The following NEK10 variants were observed in gnomAD, a reference collection of about 807,000 sequenced individuals.
The protein encoded by NEK10 is serine/threonine-protein kinase Nek10.
In NEK10, 122 loss-of-function variants were observed where a neutral mutation model predicts 159.8. That is an observed-to-expected ratio of 0.76 (90% CI 0.66 to 0.89). The LOEUF is 0.89. Among genes scored for constraint, NEK10 ranks in the 40% least tolerant of loss-of-function variants. The pLI is 0.00. For missense variants in NEK10, 1,342 were observed against 1,323.1 expected (o/e 1.01, Z -0.22); for synonymous variants, 466 against 457.1 (o/e 1.02, Z -0.25).
intron 26 of NEK10, among the ~76,000 whole-genome samples, chr3:27,180,222 C>T (rs1947932510): frequency 6.6e-6 from 1 of 151,818 alleles, no homozygotes; most frequent in African/African-American, 2.4e-5. Context: ...TAGTGAAACC[C>T]CATCTCTACT....
rs955538047 is a variant in NEK10 at position 27,110,940 on chromosome 3, A to G, written c.*332T>C. 2 of 206,790 alleles carry G rather than the reference A, an allele frequency of 9.7e-6. No individual in the cohort carries two copies. The highest frequency in any genetic ancestry group is 4.6e-5 in the African/African-American group (2 of 43,662). 12.8% of individuals were successfully genotyped at this position (206,790 alleles called of 1,614,324 possible). On this transcript the variant is annotated 3_prime_UTR_variant, in exon 36 of 36. Coordinates refer to ENST00000691995, the MANE Select transcript of NEK10 (RefSeq NM_001394966.1). ...ATATGACAAGTTTTTTTTAATGTTA[A>G]GGAAAATTCTGTAAGAGAGTTTTTT...
At chr3:27,244,399 A>T (rs1954854788) in intron 23 of NEK10, among the ~76,000 whole-genome samples, 1 of 152,172 alleles carries the variant, frequency 6.6e-6, no homozygotes, top group Admixed American at 6.5e-5. Context: ...TGTGTCTGTT[A>T]TTAACTTATT....
At chr3:27,338,973 G>C (rs1242638101) in intron 5 of NEK10, among the ~76,000 whole-genome samples, 1 of 152,144 alleles carries the variant, frequency 6.6e-6, no homozygotes, top group African/African-American at 2.4e-5. Flanking sequence ...CTTCTGCACA[G>C]CAAAGGAAGC....
intron 23 of NEK10, among the ~76,000 whole-genome samples, chr3:27,213,579 G>T (rs993403342): frequency 1.3e-5 from 2 of 152,148 alleles, no homozygotes; most frequent in South Asian, 4.1e-4. Context: ...TAGGCCAAGG[G>T]AATTCCAAAG....
intron 12 of NEK10, among the ~76,000 whole-genome samples, chr3:27,302,591 T>C (rs2043915409): frequency 6.6e-6 from 1 of 152,224 alleles, no homozygotes; most frequent in African/African-American, 2.4e-5. Flanking sequence ...CTCAGTACAC[T>C]TTCTTCCATA....
rs138565919 is a variant in NEK10, at chr3:27,244,099, G to A, written c.2090+12197C>T. On this transcript the variant is annotated intron_variant, in intron 23 of 35. Transcript: ENST00000691995. ...ACCCTGTGGCTTTACAATGCCAAGA[G>A]GAAAATTCTAGGTCTTCCAGTGTCA... Among the ~76,000 whole-genome samples, 168 of 152,278 alleles carry A rather than the reference G, an allele frequency of 1.1e-3. 2 individuals carry two copies. The East Asian group carries it at 0.029, about 26-fold the overall frequency.
At chr3:27,301,290 T>C (rs556920518) in intron 13 of NEK10, among the ~76,000 whole-genome samples, 1 of 152,326 alleles carries the variant, frequency 6.6e-6, no homozygotes, top group South Asian at 2.1e-4. Flanking sequence ...GGGAAGGTAC[T>C]CTCTTGCACC....
Position 27,365,610 on chromosome 3 carries a change from G to GTTTTTTTTTTTTTTTTTTTTTTTT in NEK10, c.-38+3614_-38+3615insAAAAAAAAAAAAAAAAAAAAAAAA, listed in dbSNP as rs71091129. On this transcript the variant is annotated intron_variant, in intron 1 of 35. Transcript: ENST00000691995. ...TTGGTTTTTTGTGTTTTTTTTTTGT[G>GTTTTTTTTTTTTTTTTTTTTTTTT]TTTTTTTTTTTTTTTTTTTTGAGAT... is the stretch of plus-strand genomic sequence containing the variant. Among the ~76,000 whole-genome samples the GTTTTTTTTTTTTTTTTTTTTTTTT allele has an allele frequency of 1.6e-4, 16 of 99,100 alleles. 1 individual carries two copies. Among genetic ancestry groups the GTTTTTTTTTTTTTTTTTTTTTTTT allele is most frequent in the African/African-American group, 2.4e-4 (6 of 25,092 alleles). The allele number at this position is 99,100 out of a possible 152,430, so 65.0% of individuals were successfully genotyped here.
At chr3:27,135,434 A>G (rs1943092564) in intron 31 of NEK10, among the ~76,000 whole-genome samples, 1 of 152,224 alleles carries the variant, frequency 6.6e-6, no homozygotes, top group South Asian at 2.1e-4. Context: ...TACTACACAA[A>G]GTAACAAAAT....
intron 26 of NEK10, among the ~76,000 whole-genome samples, chr3:27,178,568 G>A (rs932162780): frequency 6.6e-6 from 1 of 152,168 alleles, no homozygotes; most frequent in African/African-American, 2.4e-5. Context: ...TCATCCAGCT[G>A]AGGTGATCTT....
chr3:27,148,836 T>C (rs956712329), intron 30 of NEK10, among the ~76,000 whole-genome samples: 9 of 152,088 alleles, frequency 5.9e-5, no homozygotes, highest in Admixed American at 6.6e-5. Flanking sequence ...TGAGTTGCCA[T>C]TTAACAGGTG....
intron 22 of NEK10, chr3:27,278,944 CA>C: frequency 1.0e-6 from 1 of 984,100 alleles, no homozygotes; most frequent in Non-Finnish European, 1.2e-6. Flanking sequence ...TGGATGGTTT[CA>C]AAGGCTGCAA....
In NEK10 at chr3:27,119,834, T is replaced by C. The variant is rs758847285; in HGVS notation, c.3116A>G (p.Asn1039Ser). The C allele has an allele frequency of 6.2e-7, 1 of 1,613,980 alleles. No homozygotes were observed. Among genetic ancestry groups the C allele is most frequent in the Non-Finnish European group, 8.5e-7 (1 of 1,179,900 alleles). Residue 1039 changes from asparagine (N) to serine (S), a missense_variant, in exon 33 of 36, where the codon AAC becomes AGC. Physicochemically the swap from Asn to Ser is conservative, Grantham distance 46. Coordinates refer to ENST00000691995, the MANE Select transcript of NEK10 (RefSeq NM_001394966.1). ...TAAATGGTAATCTGCTGTGAAAAAG[T>C]TGGGCTCAATCGGTTCTGGAGATCC... ...SQGSPEPIEPNFFTADYHLLH... is the reference protein window; with the variant it reads ...SQGSPEPIEPSFFTADYHLLH...
intron 31 of NEK10, among the ~76,000 whole-genome samples, chr3:27,140,837 A>T (rs1055783778): frequency 2.0e-4 from 30 of 152,196 alleles, no homozygotes; most frequent in African/African-American, 7.2e-4. Flanking sequence ...ACCACATAAG[A>T]TACACAATTT....
chr3:27,205,164 C>T (rs1950425377), intron 23 of NEK10, among the ~76,000 whole-genome samples: 1 of 151,880 alleles, frequency 6.6e-6, no homozygotes, highest in Non-Finnish European at 1.5e-5. Context: ...GTTGAAGGAC[C>T]TCTTCAAGGA....
chr3:27,204,024 A>G (rs1483151144), intron 23 of NEK10, among the ~76,000 whole-genome samples: 1 of 152,176 alleles, frequency 6.6e-6, no homozygotes, highest in Non-Finnish European at 1.5e-5. Context: ...TAACAAGAAG[A>G]AAACATGCTC....
At chr3:27,289,654 C>T (rs532409262) in intron 19 of NEK10, among the ~76,000 whole-genome samples, 92 of 152,322 alleles carry the variant, frequency 6.0e-4, no homozygotes, top group South Asian at 1.7e-3. Flanking sequence ...GATGAAAACA[C>T]TGGACTGGCT....
intron 31 of NEK10, among the ~76,000 whole-genome samples, chr3:27,134,661 T>C (rs1464486616): frequency 6.6e-6 from 1 of 152,158 alleles, no homozygotes; most frequent in Non-Finnish European, 1.5e-5. Context: ...CCTCAAAAAC[T>C]CATTTGAGTA....
At position 27,202,584 on chromosome 3, in the gene NEK10, A is replaced by T. The variant is rs748781865; in HGVS notation, c.2091-27T>A. On this transcript the variant is annotated intron_variant, in intron 23 of 35. Transcript: ENST00000691995. ...TGAAGTAAAATAAGGACATTAATAC[A>T]TGCTAAGGAAGGGAGAATCCGCTCA... The T allele has an allele frequency of 3.2e-6, 5 of 1,551,134 alleles. No homozygotes were observed. In the Admixed American group the frequency reaches 7.3e-5, roughly 23 times the overall value.
Sources: gnomAD v4.1 joint callset for allele counts (sites outside exome capture counted in the v4.1 genomes callset) on GRCh38, gnomAD v4.1.1 for gene constraint, MANE v1.5 for transcripts, NCBI Gene and HGNC (gene_info 2026-07-23, HGNC 2026-07-21) for gene names.